The following TSR1 variants were observed in gnomAD, a reference collection of about 807,000 sequenced individuals.
The protein encoded by TSR1 is pre-rRNA-processing protein TSR1 homolog.
A neutral mutation model predicts 90.9 loss-of-function variants in TSR1; 81 were observed. The observed-to-expected ratio is 0.89, with a 90% CI of 0.74 to 1.07. The LOEUF (loss-of-function observed/expected upper bound fraction) is 1.07, where lower values mean the gene tolerates loss of function less well. Among genes scored for constraint, TSR1 ranks in the 50% least tolerant of loss-of-function variants. The probability of loss-of-function intolerance (pLI) is 0.00; values close to 1 mark genes in which losing one functional copy is unlikely to be tolerated. For synonymous variants in TSR1, 362 were observed against 348.8 expected, an observed-to-expected ratio of 1.04 and a Z score of -0.42; for missense variants, 989 against 987.3, an observed-to-expected ratio of 1.00 and a Z score of -0.02.
At chr17:2,335,216 T>C (rs2064044716) in intron 4 of TSR1, 44 bp downstream of exon 4, 1 of 1,594,794 alleles carries the variant, frequency 6.3e-7, no homozygotes, top group African/African-American at 1.3e-5. Flanking sequence ...CCAGGCATAG[T>C]GCCTGACAAA....
chr17:2,336,347 T>G lies in TSR1; in HGVS notation c.81A>C (p.Ala27=). The G allele has an allele frequency of 6.2e-7, 1 of 1,614,064 alleles. No homozygotes were observed. The highest frequency in any genetic ancestry group is 8.5e-7 in the Non-Finnish European group (1 of 1,180,038). ...TCTCCTTACCCTTGCCGTCCCGCTG[T>G]GCAGATCCCCGACCCCGATGCCGTC... The part of the protein sequence containing the change: ...KGGRHRGRGS[A]QRDGKGRLAL... The change falls in exon 1 of 15, where the codon GCA becomes GCC. Residue 27 remains alanine, a synonymous_variant. Transcript: ENST00000301364.
chr17:2,334,795 G>C lies in TSR1; in HGVS notation c.658C>G (p.Leu220Val), dbSNP rs181769656. The change falls in exon 5 of 15, where the codon CTC (leucine) becomes GTC (valine). Residue 220 changes from leucine to valine, a missense_variant. Transcript: ENST00000301364. ...AVEKRFPHDK[L>V]LLLDTQQEAG... ...TCCTGTTGAGTGTCTAACAAGAGGA[G>C]TTTGTCATGCGGAAAGCGCTTCTCC... 1.7e-5 allele frequency: 27 copies of C among 1,614,246 alleles called. No individual in the cohort carries two copies. The highest frequency in any genetic ancestry group is 1.7e-4 in the Admixed American group (10 of 60,028).
At chr17:2,333,519 A>G (rs1362764142) in intron 6 of TSR1, 38 bp downstream of exon 6, 1 of 1,612,956 alleles carries the variant, frequency 6.2e-7, no homozygotes, top group Non-Finnish European at 8.5e-7. Context: ...CCACAATTCC[A>G]GGTCAGATGA....
Position 2,330,630 on chromosome 17 carries a change from C to A in TSR1, c.1660-5G>T. 1.9e-6 allele frequency: 3 copies of A among 1,612,884 alleles called. No homozygotes were observed. In the South Asian group the frequency reaches 3.3e-5, roughly 18 times the overall value. ...AAGTGTGACATACCAGCCAACCTGC[C>A]ACAAGAAAGCAGAAAGCAATCATGG... On this transcript the variant is annotated splice_region_variant and splice_polypyrimidine_tract_variant and intron_variant, in intron 9 of 14. Coordinates refer to ENST00000301364, the MANE Select transcript of TSR1 (RefSeq NM_018128.5).
intron 11 of TSR1, among the ~76,000 whole-genome samples, chr17:2,328,107 G>T (rs2075585002): frequency 1.3e-5 from 2 of 151,900 alleles, no homozygotes; most frequent in African/African-American, 4.8e-5. Flanking sequence ...GCTAGGCGTG[G>T]TGGCGGGTGC....
intron 9 of TSR1, 127 bp from the exon 10 acceptor site, chr17:2,330,752 G>T: frequency 8.9e-7 from 1 of 1,122,940 alleles, no homozygotes; most frequent in Non-Finnish European, 1.3e-6. Context: ...CCTTCAAGAT[G>T]CTTCATTTAC....
chr17:2,336,284 T>A, intron 1 of TSR1, 47 bp downstream of exon 1: 1 of 1,611,358 alleles, frequency 6.2e-7, no homozygotes, highest in Non-Finnish European at 8.5e-7. Context: ...GGAAAAAGAG[T>A]TAATAACGGC....
rs1420337262 is a variant in TSR1, at chr17:2,323,257, G to A, written c.*939C>T. The A allele has an allele frequency of 1.9e-6, 3 of 1,614,066 alleles. No individual in the cohort carries two copies. Among genetic ancestry groups the A allele is most frequent in the African/African-American group, 2.7e-5 (2 of 74,920 alleles). On this transcript the variant is annotated 3_prime_UTR_variant, in exon 15 of 15. Transcript: ENST00000301364. The stretch of plus-strand genomic sequence containing the variant: ...TATCCTCCAGAAACCATAGCAGATG[G>A]TGTCAAATCCAGCATTGGCTTGAAC...
Position 2,323,817 on chromosome 17 carries a change from A to G in TSR1, c.*379T>C, listed in dbSNP as rs759654207. 3 of 1,614,066 alleles carry G rather than the reference A, an allele frequency of 1.9e-6. No homozygotes were observed. Among genetic ancestry groups the G allele is most frequent in the East Asian group, 2.2e-5 (1 of 44,896 alleles). On this transcript the variant is annotated 3_prime_UTR_variant, in exon 15 of 15. Coordinates refer to ENST00000301364, the MANE Select transcript of TSR1 (RefSeq NM_018128.5). ...TGGAAATGTAGACTTAACCTCCTCC[A>G]TAACTTGGGTGAAGCAGGCTGAAAG...
At chr17:2,335,419 A>G in intron 3 of TSR1, 25 bp from the exon 4 acceptor site, 1 of 1,609,670 alleles carries the variant, frequency 6.2e-7, no homozygotes, top group Non-Finnish European at 8.5e-7. Context: ...CACAGTAAGA[A>G]GAGGTGGTTG....
chr17:2,323,508 C>G lies in TSR1; in HGVS notation c.*688G>C. ...TTAATGACAACCCTCTTGACAGAAG[C>G]AGAGTCAGAATTAAAGAAAAGCTTT... On this transcript the variant is annotated 3_prime_UTR_variant, in exon 15 of 15. Coordinates refer to ENST00000301364, the MANE Select transcript of TSR1 (RefSeq NM_018128.5). The G allele has an allele frequency of 1.7e-6, 2 of 1,143,936 alleles. No individual in the cohort carries two copies. The highest frequency in any genetic ancestry group is 3.0e-5 in the South Asian group (2 of 67,206). The allele number at this position is 1,143,936 out of a possible 1,614,324, so 70.9% of individuals were successfully genotyped here. A position where few individuals can be genotyped will look rare whatever the true frequency, so the allele number is the denominator to read the frequency against.
chr17:2,325,178 C>G, intron 12 of TSR1, 126 bp downstream of exon 12: 2 of 727,106 alleles, frequency 2.8e-6, no homozygotes, highest in Non-Finnish European at 2.2e-6. Context: ...TGAAGACTTA[C>G]TGTATTTTGA....
chr17:2,333,390 CTG>C (rs1485206478), intron 6 of TSR1, 165 bp downstream of exon 6: 2 of 933,600 alleles, frequency 2.1e-6, no homozygotes. Context: ...TGGAACAAGA[CTG>C]TGTATAATGT....
In TSR1 at chr17:2,323,640, C is replaced by T. The variant is rs2075553659; in HGVS notation, c.*556G>A. Reference sequence around the variant, plus strand: ...CTCCCCTTTCACTAATTCCTACTCCCTTCCATATCAACAGTGTGCAACCCA... The same window carrying T: ...CTCCCCTTTCACTAATTCCTACTCCTTTCCATATCAACAGTGTGCAACCCA... On this transcript the variant is annotated 3_prime_UTR_variant, in exon 15 of 15. Transcript: ENST00000301364. 13 of 1,613,074 alleles carry T rather than the reference C, an allele frequency of 8.1e-6. No individual in the cohort carries two copies. The highest frequency in any genetic ancestry group is 1.3e-5 in the African/African-American group (1 of 75,054).
chr17:2,333,233 TG>T, intron 6 of TSR1, 109 bp from the exon 7 acceptor site: 2 of 1,267,444 alleles, frequency 1.6e-6, no homozygotes, highest in South Asian at 2.5e-5. Context: ...TGGGAAATTC[TG>T]GCAGACACTG....
At chr17:2,332,792 G>A (rs2064016146) in intron 7 of TSR1, among the ~76,000 whole-genome samples, 169 bp downstream of exon 7, 1 of 151,588 alleles carries the variant, frequency 6.6e-6, no homozygotes, top group Non-Finnish European at 1.5e-5. Context: ...AGCCCAGATC[G>A]CACCACTGCA....
intron 9 of TSR1, 86 bp downstream of exon 9, chr17:2,330,861 A>G: frequency 6.8e-7 from 1 of 1,466,428 alleles, no homozygotes; most frequent in Non-Finnish European, 9.2e-7. Context: ...CAAATGCAGC[A>G]TATTTTCATG....
chr17:2,327,416 C>CAAAAA (rs770269783), intron 11 of TSR1, among the ~76,000 whole-genome samples: 1 of 126,612 alleles, frequency 7.9e-6, no homozygotes, highest in Non-Finnish European at 1.7e-5. Context: ...GACTCTATAT[C>CAAAAA]AAAAAAAAAA....
At chr17:2,330,743 C>A in intron 9 of TSR1, 118 bp from the exon 10 acceptor site, 1 of 1,131,406 alleles carries the variant, frequency 8.8e-7, no homozygotes. Flanking sequence ...AACCCTCATC[C>A]TTCAAGATGC....
Sources: allele counts gnomAD v4.1 joint callset (sites outside exome capture counted in the v4.1 genomes callset), GRCh38; gene constraint gnomAD v4.1.1; transcripts MANE v1.5; gene names NCBI Gene and HGNC (gene_info 2026-07-23, HGNC 2026-07-21).